The following TMEM120A variants were observed in gnomAD, a reference collection of about 807,000 sequenced individuals.
The protein encoded by TMEM120A is transmembrane protein 120A.
TMEM120A carries 45 observed loss-of-function variants against 54.3 expected under a neutral mutation model. The ratio of observed to expected loss-of-function variants is 0.83; its 90% CI spans 0.65 to 1.06. The LOEUF (loss-of-function observed/expected upper bound fraction) is 1.06. Among genes scored for constraint, TMEM120A ranks in the 50% least tolerant of loss-of-function variants. The pLI, the probability that TMEM120A is intolerant of heterozygous loss-of-function variation, is 0.00. For synonymous variants in TMEM120A, 204 were observed against 178.5 expected, an observed-to-expected ratio of 1.14 and a Z score of -1.14; for missense variants, 424 against 441.7, an observed-to-expected ratio of 0.96 and a Z score of 0.36.
chr7:75,989,794 C>T (rs1554561482), intron 3 of TMEM120A, among the ~76,000 whole-genome samples: 1 of 152,042 alleles, frequency 6.6e-6, no homozygotes, highest in East Asian at 1.9e-4. Context: ...CCCACGCTCT[C>T]CAGTCCCAGA....
chr7:75,987,661 A>G, intron 9 of TMEM120A, 57 bp downstream of exon 9: 1 of 1,605,806 alleles, frequency 6.2e-7, no homozygotes, highest in South Asian at 1.1e-5. Flanking sequence ...GCTACCACTC[A>G]GACCCGGGAT....
chr7:75,988,089 A>C lies in TMEM120A; in HGVS notation c.623T>G (p.Leu208Arg). 1 of 1,607,980 alleles carries C rather than the reference A, an allele frequency of 6.2e-7. No homozygotes were observed. ...YVSTFLSGVM[L>R]TWPDGLMYQK... is the part of the protein sequence containing the mutation. ...CCGGGGCCCAGCCACTCACCACGTC[A>C]GCATGACTCCCGACAGGAAGGTGGA... Residue 208 changes from leucine (L) to arginine (R), a missense_variant, in exon 7 of 12, where the codon CTG becomes CGG. By Grantham distance (102) the Leu-to-Arg change is moderately radical. Coordinates refer to ENST00000493111, the MANE Select transcript of TMEM120A (RefSeq NM_031925.3).
At position 75,992,512 on chromosome 7, in the gene TMEM120A, GT is replaced by G. The variant is rs782164412; in HGVS notation, c.126del (p.Lys42AsnfsTer24). The G allele has an allele frequency of 3.1e-6, 5 of 1,592,918 alleles. No individual in the cohort carries two copies. On this transcript the variant is annotated frameshift_variant, in exon 2 of 12. Coordinates refer to ENST00000493111, the MANE Select transcript of TMEM120A (RefSeq NM_031925.3). LOFTEE classifies it high-confidence loss of function. ...ATGGAGCTGGTGCAATTGTTCTGAA[GT>G]TTGGTCAGCTCCTCCAGCTTCAGGC... ...LYRLKLEELT[K>X]LQNNCTSSIT...
chr7:75,990,478 CT>C lies in TMEM120A; in HGVS notation c.318-1255del, dbSNP rs1489887546. 2.6e-5 allele frequency among the ~76,000 whole-genome samples: 4 copies of C among 152,132 alleles called. 1 individual carries two copies. Among genetic ancestry groups the C allele is most frequent in the Non-Finnish European group, 1.5e-5 (1 of 68,034 alleles). On this transcript the variant is annotated intron_variant, in intron 3 of 11. Coordinates refer to ENST00000493111, the MANE Select transcript of TMEM120A (RefSeq NM_031925.3). Reference sequence around the variant, plus strand: ...TCTCAGCAGGTGGATGTGCTCGAGTCTTCCCAGAGGCAAAGTAACCCCACAA... The same window carrying C: ...TCTCAGCAGGTGGATGTGCTCGAGTCTCCCAGAGGCAAAGTAACCCCACAA...
chr7:75,993,804 GCCT>G (rs1474547041), intron 1 of TMEM120A, among the ~76,000 whole-genome samples: 4 of 152,162 alleles, frequency 2.6e-5, no homozygotes, highest in Admixed American at 6.5e-5. Context: ...GAGGCCAACA[GCCT>G]CCTCCTCCCT....
Position 75,987,253 on chromosome 7 carries a change from AAGG to A in TMEM120A, c.948_950del (p.Leu317del), listed in dbSNP as rs1563438359. 3.1e-6 allele frequency: 5 copies of A among 1,607,002 alleles called. No individual in the cohort carries two copies. The highest frequency in any genetic ancestry group is 1.1e-5 in the South Asian group (1 of 89,824). On this transcript the variant is annotated inframe_deletion, in exon 12 of 12. Transcript: ENST00000493111. ...GGGTGGTGAAGAAATTGCCGAGGAA[AAGG>A]AGGAGGAAGGGAAAGCCGCACATAA...
At chr7:75,989,286 G>T in intron 3 of TMEM120A, 62 bp from the exon 4 acceptor site, 1 of 1,113,280 alleles carries the variant, frequency 9.0e-7, no homozygotes, top group Non-Finnish European at 1.3e-6. Flanking sequence ...CCGGTACTCA[G>T]CCAAGCCTGC....
At chr7:75,988,627 T>TGGGGGGTGGAGGGGAAGGCCTGGTGGGG in intron 4 of TMEM120A, 111 bp from the exon 5 acceptor site, 1 of 303,410 alleles carries the variant, frequency 3.3e-6, no homozygotes, top group African/African-American at 7.8e-5. Flanking sequence ...GAAGGCCGGG[T>TGGGGGGTGGAGGGGAAGGCCTGGTGGGG]TGGGGGGTGG....
chr7:75,988,506 T>C lies in TMEM120A; in HGVS notation c.388A>G (p.Lys130Glu), dbSNP rs1554560798. ...AGCTTGAACTTCTCATACTCGTCCTTGTAGGCAAACCTGGGGGGCGCAGGC... is the reference window on the plus strand; with the variant it reads ...AGCTTGAACTTCTCATACTCGTCCTCGTAGGCAAACCTGGGGGGCGCAGGC... The part of the protein sequence containing the change: ...LLSKQAKFAY[K>E]DEYEKFKLYL... Residue 130 changes from lysine (K) to glutamate (E), a missense_variant, in exon 5 of 12, where the codon AAG becomes GAG. By Grantham distance (56) the Lys-to-Glu change is moderately conservative. Transcript: ENST00000493111. The C allele has an allele frequency of 1.2e-6, 2 of 1,604,760 alleles. No homozygotes were observed. The highest frequency in any genetic ancestry group is 1.1e-5 in the South Asian group (1 of 90,596).
In TMEM120A at chr7:75,987,978, G is replaced by T; in HGVS notation, c.636C>A (p.Asp212Glu). Residue 212 changes from aspartate to glutamate, a missense_variant, in exon 8 of 12, where the codon GAC becomes GAA. Coordinates refer to ENST00000493111, the MANE Select transcript of TMEM120A (RefSeq NM_031925.3). ...TCCGGAATTTCTGGTACATGAGACC[G>T]TCGGGCCTAAGGTAAAAAGTGGAGG... ...FLSGVMLTWP[D>E]GLMYQKFRNQ... 6.2e-7 allele frequency: 1 copy of T among 1,600,160 alleles called. No homozygotes were observed. Among genetic ancestry groups the T allele is most frequent in the Non-Finnish European group, 8.5e-7 (1 of 1,173,988 alleles).
chr7:75,986,881 C>A lies in TMEM120A; in HGVS notation c.*291G>T. The stretch of plus-strand genomic sequence containing the variant: ...TTTGCCTGGTATTGTGTGAGTAGAT[C>A]TGGGACCTCCACCTGCATCAACTTA... On this transcript the variant is annotated 3_prime_UTR_variant, in exon 12 of 12. Transcript: ENST00000493111. The A allele has an allele frequency of 1.7e-6, 1 of 585,852 alleles. No homozygotes were observed. Among genetic ancestry groups the A allele is most frequent in the Non-Finnish European group, 3.0e-6 (1 of 331,736 alleles). 36.3% of individuals were successfully genotyped at this position (585,852 alleles called of 1,614,324 possible). A position where few individuals can be genotyped will look rare whatever the true frequency, so the allele number is the denominator to read the frequency against.
At position 75,987,344 on chromosome 7, in the gene TMEM120A, AG is replaced by A; in HGVS notation, c.918+15del. The A allele has an allele frequency of 6.4e-7, 1 of 1,561,252 alleles. No individual in the cohort carries two copies. Among genetic ancestry groups the A allele is most frequent in the Non-Finnish European group, 8.7e-7 (1 of 1,153,832 alleles). On this transcript the variant is annotated intron_variant, in intron 11 of 11. Coordinates refer to ENST00000493111, the MANE Select transcript of TMEM120A (RefSeq NM_031925.3). ...GCCTGGCCCCCCATCCATCCTGTCC[AG>A]GGACCCCGGCTCACCTGCCACTCCT... is the stretch of plus-strand genomic sequence containing the variant.
In TMEM120A at chr7:75,987,622, G is replaced by A. The variant is rs1554560217; in HGVS notation, c.785-20C>T. 16 of 1,606,258 alleles carry A rather than the reference G, an allele frequency of 1.0e-5. No homozygotes were observed. Among genetic ancestry groups the A allele is most frequent in the Non-Finnish European group, 1.4e-5 (16 of 1,176,976 alleles). ...AGCCCTCTGCGGGGAGGAAGGTCAG[G>A]GCACAGGACGGCCAGGGACAGAGGG... is the stretch of plus-strand genomic sequence containing the variant. On this transcript the variant is annotated intron_variant, in intron 9 of 11. Coordinates refer to ENST00000493111, the MANE Select transcript of TMEM120A (RefSeq NM_031925.3).
chr7:75,987,065 G>GAA lies in TMEM120A; in HGVS notation c.*105_*106dup. On this transcript the variant is annotated 3_prime_UTR_variant, in exon 12 of 12. Transcript: ENST00000493111. Reference sequence around the variant, plus strand: ...CACAGCGCCCATAAAACCCAAGGGAGAATAGAAGAGACCCCCTGATACACG... The same window carrying GAA: ...CACAGCGCCCATAAAACCCAAGGGAGAAAATAGAAGAGACCCCCTGATACACG... 2 of 949,446 alleles carry GAA rather than the reference G, an allele frequency of 2.1e-6. No homozygotes were observed. The highest frequency in any genetic ancestry group is 3.2e-6 in the Non-Finnish European group (2 of 617,086). The allele number at this position is 949,446 out of a possible 1,614,324, so 58.8% of individuals were successfully genotyped here.
chr7:75,988,314 CA>C lies in TMEM120A; in HGVS notation c.500del (p.Leu167ArgfsTer9). 2 of 1,612,078 alleles carry C rather than the reference CA, an allele frequency of 1.2e-6. No individual in the cohort carries two copies. The highest frequency in any genetic ancestry group is 3.3e-5 in the Admixed American group (2 of 59,992). On this transcript the variant is annotated frameshift_variant, in exon 6 of 12. Transcript: ENST00000493111. LOFTEE classifies it high-confidence loss of function. ...TCAGGGTGCAGTAGTACCAGACCAG[CA>C]GGAAGTTGAAGGCAGCATCTGTCAC... ...SRVTDAAFNF[L>X]LVWYYCTLTI...
intron 2 of TMEM120A, 55 bp downstream of exon 2, chr7:75,992,384 G>A (rs940518474): frequency 2.5e-5 from 39 of 1,567,610 alleles, no homozygotes; most frequent in African/African-American, 1.1e-4. Flanking sequence ...GTCTCACAGC[G>A]CCAGCCCTCC....
In TMEM120A at chr7:75,988,500, C is replaced by T. The variant is rs782766666; in HGVS notation, c.394G>A (p.Glu132Lys). 1.2e-6 allele frequency: 2 copies of T among 1,607,030 alleles called. No individual in the cohort carries two copies. The highest frequency in any genetic ancestry group is 1.7e-6 in the Non-Finnish European group (2 of 1,178,676). Reference sequence around the variant, plus strand: ...AGGTAGAGCTTGAACTTCTCATACTCGTCCTTGTAGGCAAACCTGGGGGGC... The same window carrying T: ...AGGTAGAGCTTGAACTTCTCATACTTGTCCTTGTAGGCAAACCTGGGGGGC... The part of the protein sequence containing the change: ...SKQAKFAYKD[E>K]YEKFKLYLTI... Residue 132 changes from glutamate to lysine, a missense_variant, in exon 5 of 12, where the codon GAG becomes AAG. Transcript: ENST00000493111.
rs1563444358 is a variant in TMEM120A at position 75,992,142 on chromosome 7, A to T, written c.317+2T>A. 6 of 1,592,342 alleles carry T rather than the reference A, an allele frequency of 3.8e-6. No homozygotes were observed. Among genetic ancestry groups the T allele is most frequent in the Non-Finnish European group, 5.1e-6 (6 of 1,167,954 alleles). On this transcript the variant is annotated splice_donor_variant, in intron 3 of 11. Coordinates refer to ENST00000493111, the MANE Select transcript of TMEM120A (RefSeq NM_031925.3). LOFTEE classifies it high-confidence loss of function. ...GCTGGGGGTGGCGGTGGGGGCCCTC[A>T]CCCATTCTTCTTAGGCAAATAGGCC...
At position 75,987,830 on chromosome 7, in the gene TMEM120A, G is replaced by C. The variant is rs1194614895; in HGVS notation, c.692-20C>G. On this transcript the variant is annotated intron_variant, in intron 8 of 11. Coordinates refer to ENST00000493111, the MANE Select transcript of TMEM120A (RefSeq NM_031925.3). ...CGAAGCCTGGGCCGGGCGGAGGACAGAGGAGCAGGGCTGAGCCCCGGGAGG... is the reference window on the plus strand; with the variant it reads ...CGAAGCCTGGGCCGGGCGGAGGACACAGGAGCAGGGCTGAGCCCCGGGAGG... The C allele has an allele frequency of 1.2e-6, 2 of 1,608,744 alleles. No individual in the cohort carries two copies. Among genetic ancestry groups the C allele is most frequent in the African/African-American group, 2.7e-5 (2 of 74,806 alleles).
Sources: allele counts gnomAD v4.1 joint callset (sites outside exome capture counted in the v4.1 genomes callset), GRCh38; gene constraint gnomAD v4.1.1; transcripts MANE v1.5; gene names NCBI Gene and HGNC (gene_info 2026-07-23, HGNC 2026-07-21).